The following GRM1 variants were observed in gnomAD, a reference collection of about 807,000 sequenced individuals.
The protein encoded by GRM1 is metabotropic glutamate receptor 1.
Under a neutral mutation model 90.9 loss-of-function variants are expected in GRM1, and 33 were observed. The ratio of observed to expected loss-of-function variants is 0.36; its 90% CI spans 0.28 to 0.49. The LOEUF is 0.49. GRM1 is among the 20% of genes least tolerant of loss of function. The probability of loss-of-function intolerance (pLI) is 0.99; values close to 1 mark genes in which losing one functional copy is unlikely to be tolerated. For synonymous variants in GRM1, 700 were observed against 613.2 expected (o/e 1.14, Z -2.09); for missense variants, 1,190 against 1,534.3 (o/e 0.78, Z 3.75).
intron 2 of GRM1, among the ~76,000 whole-genome samples, chr6:146,166,792 C>A (rs1181016865): frequency 2.0e-5 from 3 of 152,092 alleles, no homozygotes; most frequent in African/African-American, 7.2e-5. Flanking sequence ...TAGACTCTCT[C>A]CATAACCACT....
At chr6:146,048,152 G>C (rs1481486974) in intron 1 of GRM1, among the ~76,000 whole-genome samples, 2 of 151,968 alleles carry the variant, frequency 1.3e-5, no homozygotes, top group Non-Finnish European at 2.9e-5. Context: ...CCATATCTTT[G>C]TAAGGTCTGA....
intron 1 of GRM1, among the ~76,000 whole-genome samples, chr6:146,127,367 T>C (rs1776235892): frequency 6.6e-6 from 1 of 152,044 alleles, no homozygotes; most frequent in Non-Finnish European, 1.5e-5. Flanking sequence ...AAAGGCAGTA[T>C]AAGCTGGTAG....
At chr6:146,360,456 G>A (rs1040283081) in intron 5 of GRM1, among the ~76,000 whole-genome samples, 2 of 152,122 alleles carry the variant, frequency 1.3e-5, no homozygotes, top group Non-Finnish European at 2.9e-5. Context: ...AAGAGCCCAT[G>A]TCAGATGGTT....
chr6:146,267,263 G>A (rs989967670), intron 2 of GRM1, among the ~76,000 whole-genome samples: 4 of 152,172 alleles, frequency 2.6e-5, no homozygotes, highest in African/African-American at 4.8e-5. Flanking sequence ...GTATATGTAC[G>A]GCATTTTTTT....
At chr6:146,116,972 A>G (rs1229392339) in intron 1 of GRM1, among the ~76,000 whole-genome samples, 1 of 151,650 alleles carries the variant, frequency 6.6e-6, no homozygotes, top group Non-Finnish European at 1.5e-5. Flanking sequence ...GTTTACTTGC[A>G]TTTTCTTTTT....
intron 2 of GRM1, among the ~76,000 whole-genome samples, chr6:146,293,596 G>T (rs1254155926): frequency 6.6e-6 from 1 of 151,780 alleles, no homozygotes; most frequent in African/African-American, 2.4e-5. Flanking sequence ...TTTTAGTATT[G>T]TTATAATATC....
chr6:146,052,001 C>G (rs534007438), intron 1 of GRM1, among the ~76,000 whole-genome samples: 1 of 151,968 alleles, frequency 6.6e-6, no homozygotes, highest in African/African-American at 2.4e-5. Flanking sequence ...GTAACTTTCT[C>G]GAGAGTAGGA....
chr6:146,216,142 T>C (rs1779864576), intron 2 of GRM1, among the ~76,000 whole-genome samples: 1 of 152,210 alleles, frequency 6.6e-6, no homozygotes, highest in Admixed American at 6.5e-5. Flanking sequence ...TATTAGATTA[T>C]ATATATGTAT....
At chr6:146,257,603 A>G (rs1309910757) in intron 2 of GRM1, among the ~76,000 whole-genome samples, 3 of 152,100 alleles carry the variant, frequency 2.0e-5, no homozygotes, top group East Asian at 3.8e-4. Context: ...ACGTAATTAT[A>G]AAAGTTAAGA....
At chr6:146,207,900 T>A (rs1236205750) in intron 2 of GRM1, among the ~76,000 whole-genome samples, 1 of 152,222 alleles carries the variant, frequency 6.6e-6, no homozygotes, top group Non-Finnish European at 1.5e-5. Flanking sequence ...TCGCACCTAG[T>A]ACATTCCATT....
chr6:146,091,737 ATGAAGAATTGTGAAAAAGTCTATC>A (rs1212407723), intron 1 of GRM1, among the ~76,000 whole-genome samples: 1 of 152,114 alleles, frequency 6.6e-6, no homozygotes, highest in Non-Finnish European at 1.5e-5. Context: ...GCAGTTTGTC[ATGAAGAATTGTGAAAAAGTCTATC>A]TGAAGAATTG....
intron 3 of GRM1, among the ~76,000 whole-genome samples, chr6:146,320,651 T>C (rs917575513): frequency 6.6e-6 from 1 of 152,108 alleles, no homozygotes; most frequent in South Asian, 2.1e-4. Context: ...TCAGAACTTG[T>C]TATTGTTCTA....
chr6:146,436,549 T>C lies in GRM1; in HGVS notation c.*1753T>C, dbSNP rs1778599133. On this transcript the variant is annotated 3_prime_UTR_variant, in exon 8 of 8. Coordinates refer to ENST00000282753, the MANE Select transcript of GRM1 (RefSeq NM_001278064.2). Reference sequence around the variant, plus strand: ...AAATCTTTATCAATCACATTTTGCCTTCTTTTAATTTTTATGTTCATGGAC... The same window carrying C: ...AAATCTTTATCAATCACATTTTGCCCTCTTTTAATTTTTATGTTCATGGAC... 1 of 152,206 alleles carries C rather than the reference T, an allele frequency of 6.6e-6. No individual in the cohort carries two copies. The highest frequency in any genetic ancestry group is 1.5e-5 in the Non-Finnish European group (1 of 68,010). The allele number at this position is 152,206 out of a possible 1,614,324, so 9.4% of individuals were successfully genotyped here. A position where few individuals can be genotyped will look rare whatever the true frequency, so the allele number is the denominator to read the frequency against.
At position 146,399,771 on chromosome 6, in the gene GRM1, CTCTT is replaced by C. The variant is rs1324725230; in HGVS notation, c.2660+76_2660+79del. The C allele has an allele frequency of 1.9e-5, 20 of 1,029,396 alleles. No homozygotes were observed. Among genetic ancestry groups the C allele is most frequent in the Non-Finnish European group, 2.6e-5 (18 of 686,078 alleles). 63.8% of individuals were successfully genotyped at this position (1,029,396 alleles called of 1,614,324 possible). A position where few individuals can be genotyped will look rare whatever the true frequency, so the allele number is the denominator to read the frequency against. ...TCTCTTTCTCTCTCTCTCTCTCTCT[CTCTT>C]TCTCTGTCTCTCATATCTTCCTCTA... On this transcript the variant is annotated intron_variant, in intron 7 of 7. Transcript: ENST00000282753. This position sits in a 1 kb window ranked among gnomAD's most constrained non-coding sequence, Gnocchi z 5.4.
intron 3 of GRM1, among the ~76,000 whole-genome samples, chr6:146,313,013 G>A (rs1178214662): frequency 6.6e-6 from 1 of 152,200 alleles, no homozygotes; most frequent in African/African-American, 2.4e-5. Context: ...AAAGATTGAT[G>A]CAGGGGCATG....
At chr6:146,397,941 C>T (rs1178010745) in intron 6 of GRM1, among the ~76,000 whole-genome samples, 1 of 152,152 alleles carries the variant, frequency 6.6e-6, no homozygotes, top group South Asian at 2.1e-4. Context: ...TTGGCCCAGA[C>T]CAAATATTTT....
intron 5 of GRM1, among the ~76,000 whole-genome samples, chr6:146,366,089 C>G (rs1775675606): frequency 1.3e-5 from 2 of 152,160 alleles, no homozygotes; most frequent in African/African-American, 2.4e-5. Flanking sequence ...TTATTTTGAG[C>G]TTTGATACAG....
intron 1 of GRM1, among the ~76,000 whole-genome samples, chr6:146,103,027 C>A (rs962388802): frequency 1.3e-5 from 2 of 152,130 alleles, no homozygotes; most frequent in Non-Finnish European, 2.9e-5. Flanking sequence ...GCAGGGGTTT[C>A]TCTGTGCAGT....
chr6:146,403,254 A>G lies in GRM1; in HGVS notation c.2660+3555A>G, dbSNP rs149294385. Among the ~76,000 whole-genome samples, 396 of 152,298 alleles carry G rather than the reference A, an allele frequency of 2.6e-3. 1 individual carries two copies. The highest frequency in any genetic ancestry group is 8.7e-3 in the African/African-American group (360 of 41,588). On this transcript the variant is annotated intron_variant, in intron 7 of 7. Coordinates refer to ENST00000282753, the MANE Select transcript of GRM1 (RefSeq NM_001278064.2). ...ACATGCTTCTTTAAAAAGTAATTACATCAGTGATTACATGTCAATCTAACA... is the reference window on the plus strand; with the variant it reads ...ACATGCTTCTTTAAAAAGTAATTACGTCAGTGATTACATGTCAATCTAACA...
Sources: allele counts gnomAD v4.1 joint callset (sites outside exome capture counted in the v4.1 genomes callset), GRCh38; gene constraint gnomAD v4.1.1; non-coding constraint Gnocchi (gnomAD v3.1); transcripts MANE v1.5; gene names NCBI Gene and HGNC (gene_info 2026-07-23, HGNC 2026-07-21).